Variants in EIF3K observed in about 807,000 individuals in gnomAD.
EIF3K encodes the protein eukaryotic translation initiation factor 3 subunit K.
Under a neutral mutation model 34.2 loss-of-function variants are expected in EIF3K, and 27 were observed. The ratio of observed to expected loss-of-function variants is 0.79; its 90% CI spans 0.58 to 1.09. The LOEUF is 1.09. Among genes scored for constraint, EIF3K ranks in the 50% least tolerant of loss-of-function variants. The pLI is 0.00. For missense variants in EIF3K, 232 were observed against 275.4 expected (o/e 0.84, Z 1.11); for synonymous variants, 105 against 105.7 (o/e 0.99, Z 0.04).
At chr19:38,626,211 C>T in intron 4 of EIF3K, 109 bp downstream of exon 4, 1 of 1,006,676 alleles carries the variant, frequency 9.9e-7, no homozygotes, top group Non-Finnish European at 1.6e-6. Context: ...GGCGGTGGGC[C>T]CAGTGCTCTG....
rs774656754 is a variant in EIF3K at position 38,624,058 on chromosome 19, C to A, written c.159-19C>A. ...CTTGGAGGTGCCACTGTGGCCACGT[C>A]TCTTGTTCTTTTTCTTAGGTACCAG... On this transcript the variant is annotated intron_variant, in intron 2 of 7. Transcript: ENST00000248342. 1.2e-6 allele frequency: 2 copies of A among 1,613,864 alleles called. No individual in the cohort carries two copies. Among genetic ancestry groups the A allele is most frequent in the African/African-American group, 2.7e-5 (2 of 74,902 alleles).
chr19:38,634,514 C>T (rs982439876), intron 6 of EIF3K, among the ~76,000 whole-genome samples: 2 of 151,772 alleles, frequency 1.3e-5, no homozygotes, highest in South Asian at 4.2e-4. Context: ...AGGAGAATTG[C>T]TTGAACCTGG....
chr19:38,635,242 G>A, intron 7 of EIF3K, 124 bp downstream of exon 7: 1 of 1,375,952 alleles, frequency 7.3e-7, no homozygotes, highest in Non-Finnish European at 1.0e-6. Context: ...GTCTGCACCT[G>A]CCAGATTCCA....
intron 4 of EIF3K, among the ~76,000 whole-genome samples, chr19:38,629,084 A>G (rs1317324887): frequency 6.6e-6 from 1 of 151,742 alleles, no homozygotes; most frequent in Non-Finnish European, 1.5e-5. Flanking sequence ...TAAACATTTT[A>G]TTTTTTATTC....
At chr19:38,630,798 T>G (rs1032214421) in intron 4 of EIF3K, 5 of 152,122 alleles carry the variant, frequency 3.3e-5, no homozygotes, top group African/African-American at 1.2e-4. Context: ...TGCTTCAGCC[T>G]CCTCAGTAGT....
At chr19:38,636,113 C>A (rs777715755) in intron 7 of EIF3K, among the ~76,000 whole-genome samples, 1 of 152,150 alleles carries the variant, frequency 6.6e-6, no homozygotes, top group African/African-American at 2.4e-5. Context: ...AGTGAGAACT[C>A]CAGCAAAAGA....
chr19:38,620,086 G>A (rs1236133727), intron 1 of EIF3K, among the ~76,000 whole-genome samples: 1 of 152,202 alleles, frequency 6.6e-6, no homozygotes, highest in Non-Finnish European at 1.5e-5. Context: ...TGGCTCAGAG[G>A]TTGAGGAGGC....
At chr19:38,625,988 CGCTCCGAG>C in intron 3 of EIF3K, 32 bp from the exon 4 acceptor site, 2 of 1,599,964 alleles carry the variant, frequency 1.3e-6, no homozygotes, top group African/African-American at 2.7e-5. Context: ...TCCAACCTTA[CGCTCCGAG>C]GCCAGTTTTC....
At chr19:38,634,602 A>G (rs1976148643) in intron 6 of EIF3K, among the ~76,000 whole-genome samples, 1 of 151,982 alleles carries the variant, frequency 6.6e-6, no homozygotes. Flanking sequence ...TCCGTCTCAA[A>G]AAAAAAAAAG....
intron 2 of EIF3K, among the ~76,000 whole-genome samples, chr19:38,622,913 G>A (rs150199031): frequency 1.3e-5 from 2 of 152,250 alleles, no homozygotes; most frequent in South Asian, 4.1e-4. Context: ...CAGAGTTTAA[G>A]GTTCTCTCTC....
intron 1 of EIF3K, among the ~76,000 whole-genome samples, chr19:38,620,067 G>A (rs1184110986): frequency 1.3e-5 from 2 of 152,236 alleles, no homozygotes; most frequent in Middle Eastern, 3.2e-3. Flanking sequence ...ACAAGCTGCA[G>A]TGACTGACTG....
intron 6 of EIF3K, among the ~76,000 whole-genome samples, chr19:38,633,792 G>C (rs989687294): frequency 3.9e-5 from 6 of 152,134 alleles, no homozygotes; most frequent in Admixed American, 2.0e-4. Flanking sequence ...GGCCAACATG[G>C]GGAAACCCCG....
intron 3 of EIF3K, among the ~76,000 whole-genome samples, 157 bp downstream of exon 3, chr19:38,624,354 G>A (rs1975905010): frequency 6.6e-6 from 1 of 152,204 alleles, no homozygotes; most frequent in Non-Finnish European, 1.5e-5. Context: ...GGACACTGGT[G>A]ACTGAGACAG....
Position 38,632,580 on chromosome 19 carries a change from TTTTGTC to T in EIF3K, c.422-19_422-14del, listed in dbSNP as rs946867165. 1 of 1,613,338 alleles carries T rather than the reference TTTTGTC, an allele frequency of 6.2e-7. No individual in the cohort carries two copies. Among genetic ancestry groups the T allele is most frequent in the African/African-American group, 1.3e-5 (1 of 74,942 alleles). On this transcript the variant is annotated splice_polypyrimidine_tract_variant and intron_variant, in intron 5 of 7. Coordinates refer to ENST00000248342, the MANE Select transcript of EIF3K (RefSeq NM_013234.4). Reference sequence around the variant, plus strand: ...GTCCGGGGGGACAGCTGCTCACCGGTTTTGTCTCTGACCTCCACAGTTATCTGCCAT... The same window carrying T: ...GTCCGGGGGGACAGCTGCTCACCGGTTCTGACCTCCACAGTTATCTGCCAT...
intron 1 of EIF3K, among the ~76,000 whole-genome samples, chr19:38,619,714 T>G (rs1975797175): frequency 6.6e-6 from 1 of 152,238 alleles, no homozygotes; most frequent in African/African-American, 2.4e-5. Flanking sequence ...GAGTGCCTCT[T>G]AATCTCTCCC....
chr19:38,628,796 T>G (rs960323997), intron 4 of EIF3K, among the ~76,000 whole-genome samples: 3 of 151,134 alleles, frequency 2.0e-5, no homozygotes, highest in African/African-American at 7.3e-5. Flanking sequence ...TGCACTCCAG[T>G]CTGAAAAAGA....
At chr19:38,632,555 G>T (rs1976093122) in intron 5 of EIF3K, 46 bp from the exon 6 acceptor site, 1 of 1,613,304 alleles carries the variant, frequency 6.2e-7, no homozygotes. Context: ...TGGCAGCCAG[G>T]TCCGGGGGGA....
At chr19:38,630,049 T>G (rs1036234178) in intron 4 of EIF3K, among the ~76,000 whole-genome samples, 1 of 152,182 alleles carries the variant, frequency 6.6e-6, no homozygotes, top group Admixed American at 6.5e-5. Flanking sequence ...GAAAATCATG[T>G]AGCTGCCCTG....
chr19:38,623,851 G>C (rs926410151), intron 2 of EIF3K, among the ~76,000 whole-genome samples: 5 of 152,198 alleles, frequency 3.3e-5, no homozygotes, highest in African/African-American at 4.8e-5. Context: ...TCACTTAGCA[G>C]TGTCTGCCCC....
Sources: allele counts gnomAD v4.1 joint callset (sites outside exome capture counted in the v4.1 genomes callset), GRCh38; gene constraint gnomAD v4.1.1; transcripts MANE v1.5; gene names NCBI Gene and HGNC (gene_info 2026-07-23, HGNC 2026-07-21).